The following TRNT1 variants were observed in gnomAD, a reference collection of about 807,000 sequenced individuals.
The protein encoded by TRNT1 is tRNA nucleotidyl transferase 1, also known as CCA tRNA nucleotidyltransferase 1, mitochondrial.
Under a neutral mutation model 45.6 loss-of-function variants are expected in TRNT1, and 44 were observed. That is an observed-to-expected ratio of 0.97 (90% CI 0.76 to 1.24). The LOEUF (loss-of-function observed/expected upper bound fraction) is 1.24, where lower values mean the gene tolerates loss of function less well. Among genes scored for constraint, TRNT1 ranks in the 50% most tolerant of loss-of-function variants. The pLI is 0.00. For missense variants in TRNT1, 633 were observed against 504.4 expected, an observed-to-expected ratio of 1.25 and a Z score of -2.44; for synonymous variants, 201 against 171.4, an observed-to-expected ratio of 1.17 and a Z score of -1.35.
intron 2 of TRNT1, among the ~76,000 whole-genome samples, chr3:3,131,077 TAA>T (rs111962069): frequency 6.9e-6 from 1 of 144,798 alleles, no homozygotes; most frequent in Non-Finnish European, 1.5e-5. Context: ...ACCGTGTCTT[TAA>T]AAAAAAAAAA....
At position 3,146,753 on chromosome 3, in the gene TRNT1, A is replaced by G. The variant is rs1706054502; in HGVS notation, c.802+130A>G. 5 of 908,368 alleles carry G rather than the reference A, an allele frequency of 5.5e-6. No homozygotes were observed. The South Asian group carries it at 7.4e-5, about 13-fold the overall frequency. 56.3% of individuals were successfully genotyped at this position (908,368 alleles called of 1,614,324 possible). A position where few individuals can be genotyped will look rare whatever the true frequency, so the allele number is the denominator to read the frequency against. Reference sequence around the variant, plus strand: ...GAAATGGAGTATTTTAAAATAAGACAAAGTTTGGGTTATGGGGTAAGTTTT... The same window carrying G: ...GAAATGGAGTATTTTAAAATAAGACGAAGTTTGGGTTATGGGGTAAGTTTT... On this transcript the variant is annotated intron_variant, in intron 6 of 7. Coordinates refer to ENST00000251607, the MANE Select transcript of TRNT1 (RefSeq NM_182916.3).
chr3:3,145,736 A>G (rs1256090453), intron 5 of TRNT1: 1 of 152,048 alleles, frequency 6.6e-6, no homozygotes, highest in African/African-American at 2.4e-5. Context: ...TCTAAACTTG[A>G]GTATTTGTAG....
At chr3:3,151,132 G>T, downstream of TRNT1, 1 of 1,381,084 alleles carries the variant, frequency 7.2e-7, no homozygotes. Context: ...ACAGACTTTA[G>T]AGGCAAATTC....
intron 6 of TRNT1, 146 bp from the exon 7 acceptor site, chr3:3,147,304 C>T (rs1706108707): frequency 1.2e-6 from 1 of 860,030 alleles, no homozygotes; most frequent in South Asian, 1.8e-5. Context: ...TAGTGGTTCG[C>T]CTTTAAGTTG....
At chr3:3,138,841 T>G (rs897932859) in intron 3 of TRNT1, among the ~76,000 whole-genome samples, 3 of 152,216 alleles carry the variant, frequency 2.0e-5, no homozygotes, top group Non-Finnish European at 4.4e-5. Context: ...GTGTCTTTGT[T>G]TCCTCCGAGT....
rs112379622 is a variant in TRNT1 at position 3,147,301 on chromosome 3, T to C, written c.803-149T>C. Reference sequence around the variant, plus strand: ...GAGAGAATAACAATATATTAGTGGTTCGCCTTTAAGTTGGAACATCAGACT... The same window carrying C: ...GAGAGAATAACAATATATTAGTGGTCCGCCTTTAAGTTGGAACATCAGACT... On this transcript the variant is annotated intron_variant, in intron 6 of 7. Transcript: ENST00000251607. The C allele has an allele frequency of 7.3e-4, 602 of 827,090 alleles. 5 individuals are homozygous for C. The highest frequency in any genetic ancestry group is 5.4e-3 in the African/African-American group (312 of 58,102). 51.2% of individuals were successfully genotyped at this position (827,090 alleles called of 1,614,324 possible).
At chr3:3,146,865 C>T (rs1195044421) in intron 6 of TRNT1, among the ~76,000 whole-genome samples, 1 of 152,012 alleles carries the variant, frequency 6.6e-6, no homozygotes, top group African/African-American at 2.4e-5. Context: ...AAGCTCAGCC[C>T]CTTATCTAGT....
At chr3:3,137,902 A>G (rs1559221460) in intron 3 of TRNT1, among the ~76,000 whole-genome samples, 2 of 152,122 alleles carry the variant, frequency 1.3e-5, no homozygotes, top group African/African-American at 4.8e-5. Flanking sequence ...TTGTGATGAC[A>G]TTTCTTCTAT....
At chr3:3,142,541 G>A (rs1705721799) in intron 4 of TRNT1, among the ~76,000 whole-genome samples, 1 of 152,160 alleles carries the variant, frequency 6.6e-6, no homozygotes, top group South Asian at 2.1e-4. Context: ...TTAAAAGGAT[G>A]ATATTCAGAG....
At chr3:3,138,072 C>T (rs1705435724) in intron 3 of TRNT1, among the ~76,000 whole-genome samples, 1 of 152,206 alleles carries the variant, frequency 6.6e-6, no homozygotes, top group South Asian at 2.1e-4. Context: ...TTTTGGGAAA[C>T]ATCTTACCTG....
At chr3:3,145,623 C>G (rs1705959750) in intron 5 of TRNT1, 1 of 151,852 alleles carries the variant, frequency 6.6e-6, no homozygotes, top group African/African-American at 2.4e-5. Flanking sequence ...AAAAAACTAT[C>G]CGAATTGGCT....
intron 5 of TRNT1, 22 bp from the exon 6 acceptor site, chr3:3,146,408 C>G (rs765792689): frequency 1.3e-6 from 2 of 1,591,176 alleles, no homozygotes; most frequent in East Asian, 2.2e-5. Flanking sequence ...AGGTAATACC[C>G]TGTGAAGATT....
chr3:3,141,032 A>T (rs2126024004), intron 4 of TRNT1, among the ~76,000 whole-genome samples: 1 of 152,292 alleles, frequency 6.6e-6, no homozygotes, highest in African/African-American at 2.4e-5. Flanking sequence ...AGATTGTGCC[A>T]CTGCACTCCA....
chr3:3,150,785 T>TGTATCAGAGGC, downstream of TRNT1: 4 of 1,325,962 alleles, frequency 3.0e-6, no homozygotes, highest in Non-Finnish European at 4.3e-6. Flanking sequence ...TACTTAGGTA[T>TGTATCAGAGGC]GTATCAGAGG....
At chr3:3,149,168 ATAT>A, downstream of TRNT1, 1 of 152,254 alleles carries the variant, frequency 6.6e-6, no homozygotes, top group Non-Finnish European at 1.5e-5. Context: ...GTAGAGTGTA[ATAT>A]TTCTAAGAGG....
intron 4 of TRNT1, 113 bp from the exon 5 acceptor site, chr3:3,144,471 C>A: frequency 9.8e-7 from 1 of 1,019,218 alleles, no homozygotes; most frequent in Non-Finnish European, 1.5e-6. Flanking sequence ...GTTTTAATAA[C>A]TGTTCACTCT....
downstream of TRNT1, chr3:3,150,792 G>T: frequency 7.0e-7 from 1 of 1,418,678 alleles, no homozygotes; most frequent in South Asian, 1.2e-5. Context: ...GTATGTATCA[G>T]AGGCAATAAT....
intron 1 of TRNT1, among the ~76,000 whole-genome samples, chr3:3,128,300 TAAG>T (rs1704733362): frequency 6.6e-6 from 1 of 152,062 alleles, no homozygotes; most frequent in South Asian, 2.1e-4. Context: ...CGGGTCCTGT[TAAG>T]AATTCCTTTG....
Position 3,148,270 on chromosome 3 carries a change from A to T in TRNT1, c.*116A>T. ...AAAAGACAGTTTAGGGGACCTCTGT[A>T]GAACAACAAGGGTCTTATTTTGTGA... is the stretch of plus-strand genomic sequence containing the variant. On this transcript the variant is annotated 3_prime_UTR_variant, in exon 8 of 8. Coordinates refer to ENST00000251607, the MANE Select transcript of TRNT1 (RefSeq NM_182916.3). The T allele has an allele frequency of 9.3e-7, 1 of 1,078,016 alleles. No homozygotes were observed. Among genetic ancestry groups the T allele is most frequent in the Non-Finnish European group, 1.3e-6 (1 of 749,112 alleles). 66.8% of individuals were successfully genotyped at this position (1,078,016 alleles called of 1,614,324 possible).
Sources: gnomAD v4.1 joint callset for allele counts (sites outside exome capture counted in the v4.1 genomes callset) on GRCh38, gnomAD v4.1.1 for gene constraint, MANE v1.5 for transcripts, NCBI Gene and HGNC (gene_info 2026-07-23, HGNC 2026-07-21) for gene names.